The following ITFG1 variants were observed in gnomAD, a reference collection of about 807,000 sequenced individuals.
ITFG1 encodes T-cell immunomodulatory protein.
In ITFG1, 34 loss-of-function variants were observed where a neutral mutation model predicts 81.8. The observed-to-expected ratio is 0.42, with a 90% CI of 0.32 to 0.55. The LOEUF is 0.55. Among genes scored for constraint, ITFG1 ranks in the 20% least tolerant of loss-of-function variants. The pLI, the probability that ITFG1 is intolerant of heterozygous loss-of-function variation, is 0.17. For synonymous variants in ITFG1, 285 were observed against 270.6 expected, an observed-to-expected ratio of 1.05 and a Z score of -0.52; for missense variants, 672 against 755.4, an observed-to-expected ratio of 0.89 and a Z score of 1.29.
chr16:47,227,643 T>C (rs1247135032), intron 13 of ITFG1, among the ~76,000 whole-genome samples: 2 of 152,192 alleles, frequency 1.3e-5, no homozygotes, highest in Admixed American at 1.3e-4. Context: ...GGTTTCTATA[T>C]TAGTGTCAAT....
At chr16:47,264,007 GACAA>G (rs1413108470) in intron 10 of ITFG1, among the ~76,000 whole-genome samples, 1 of 152,082 alleles carries the variant, frequency 6.6e-6, no homozygotes, top group Admixed American at 6.5e-5. Flanking sequence ...AACTATTGGC[GACAA>G]ACAGTCTTGC....
chr16:47,220,982 T>A (rs1209185946), intron 13 of ITFG1, among the ~76,000 whole-genome samples: 1 of 152,188 alleles, frequency 6.6e-6, no homozygotes, highest in African/African-American at 2.4e-5. Flanking sequence ...AATTGCTCTA[T>A]TTCCATGTCA....
chr16:47,216,961 C>T (rs1275135411), intron 14 of ITFG1, among the ~76,000 whole-genome samples: 1 of 152,080 alleles, frequency 6.6e-6, no homozygotes, highest in Non-Finnish European at 1.5e-5. Context: ...CTGAATTATT[C>T]ATTTAACTGC....
chr16:47,155,290 T>C lies in ITFG1; in HGVS notation c.*429A>G, dbSNP rs1418950821. ...CCTGACCTGCTGTGATGAAGCTGAA[T>C]GCCTAATGACTCCGTGATATATTCA... On this transcript the variant is annotated 3_prime_UTR_variant, in exon 18 of 18. Coordinates refer to ENST00000320640, the MANE Select transcript of ITFG1 (RefSeq NM_030790.5). 1.3e-5 allele frequency: 2 copies of C among 154,032 alleles called. No individual in the cohort carries two copies. Among genetic ancestry groups the C allele is most frequent in the Non-Finnish European group, 2.9e-5 (2 of 69,446 alleles). The allele number at this position is 154,032 out of a possible 1,614,324, so 9.5% of individuals were successfully genotyped here.
Position 47,218,517 on chromosome 16 carries a change from AT to A in ITFG1, c.1453+350del, listed in dbSNP as rs566714643. 3.2e-3 allele frequency: 502 copies of A among 155,208 alleles called. 3 individuals are homozygous for A. Among genetic ancestry groups the A allele is most frequent in the African/African-American group, 0.012 (480 of 41,674 alleles). The allele number at this position is 155,208 out of a possible 1,614,324, so 9.6% of individuals were successfully genotyped here. On this transcript the variant is annotated intron_variant, in intron 14 of 17. Transcript: ENST00000320640. ...TAGTTTATATTATACTATTAATTGG[AT>A]TCTTAATTTATACGTCTTCTAAGAT...
chr16:47,229,771 G>A (rs1159119641), intron 13 of ITFG1, among the ~76,000 whole-genome samples: 1 of 152,102 alleles, frequency 6.6e-6, no homozygotes, highest in African/African-American at 2.4e-5. Flanking sequence ...ACATTTCAGG[G>A]TCCTTCCTTG....
chr16:47,284,458 T>C (rs180997085), intron 10 of ITFG1, among the ~76,000 whole-genome samples: 2 of 152,180 alleles, frequency 1.3e-5, no homozygotes, highest in East Asian at 1.9e-4. Flanking sequence ...TTAATGTTCA[T>C]AGATGAAACT....
At chr16:47,272,840 A>G (rs1966357822) in intron 10 of ITFG1, among the ~76,000 whole-genome samples, 1 of 151,518 alleles carries the variant, frequency 6.6e-6, no homozygotes, top group African/African-American at 2.4e-5. Context: ...GTAAATGTTT[A>G]AGTGACATAA....
intron 10 of ITFG1, among the ~76,000 whole-genome samples, chr16:47,302,226 C>A (rs1328006498): frequency 6.6e-6 from 1 of 152,046 alleles, no homozygotes; most frequent in Non-Finnish European, 1.5e-5. Context: ...GGAAGGGTTA[C>A]CAGTCACTTT....
At chr16:47,453,451 G>C (rs1969413727) in intron 3 of ITFG1, among the ~76,000 whole-genome samples, 1 of 152,118 alleles carries the variant, frequency 6.6e-6, no homozygotes. Context: ...CAGATATTGT[G>C]GCATCTGAGA....
chr16:47,381,489 TAAA>T (rs1030987429), intron 6 of ITFG1, among the ~76,000 whole-genome samples: 8 of 152,196 alleles, frequency 5.3e-5, no homozygotes, highest in African/African-American at 1.9e-4. Context: ...ACATAGTTAA[TAAA>T]ACATTCGTAG....
At chr16:47,287,065 T>A (rs1310218330) in intron 10 of ITFG1, among the ~76,000 whole-genome samples, 1 of 152,134 alleles carries the variant, frequency 6.6e-6, no homozygotes, top group Non-Finnish European at 1.5e-5. Flanking sequence ...CTAGCTGCAT[T>A]TGTAAGATAA....
intron 14 of ITFG1, among the ~76,000 whole-genome samples, chr16:47,188,502 C>G (rs1205605823): frequency 1.3e-5 from 2 of 150,222 alleles, no homozygotes; most frequent in African/African-American, 2.4e-5. Flanking sequence ...TCTCAGTAAA[C>G]TATTGCAAGA....
intron 14 of ITFG1, among the ~76,000 whole-genome samples, chr16:47,192,705 T>C (rs1965306302): frequency 6.6e-6 from 1 of 152,196 alleles, no homozygotes; most frequent in Admixed American, 6.5e-5. Context: ...GTTGGTAAAA[T>C]AGTTTCCCTT....
intron 14 of ITFG1, among the ~76,000 whole-genome samples, chr16:47,210,615 T>C (rs1268748995): frequency 6.6e-6 from 1 of 152,194 alleles, no homozygotes; most frequent in Non-Finnish European, 1.5e-5. Context: ...CCAGAAAATA[T>C]CCTCATGATT....
Position 47,218,895 on chromosome 16 carries a change from C to T in ITFG1, c.1426G>A (p.Ala476Thr). 1 of 1,599,226 alleles carries T rather than the reference C, an allele frequency of 6.3e-7. No homozygotes were observed. The change falls in exon 14 of 18, where the codon GCA becomes ACA. Residue 476 changes from alanine (A) to threonine (T), a missense_variant. Transcript: ENST00000320640. ...GPYIMYTTVD[A>T]NGYLKNGSAG... ...GATCCATTTTTCAGATACCCATTTG[C>T]ATCTACAGTTGTATACATGATATAA...
intron 6 of ITFG1, among the ~76,000 whole-genome samples, chr16:47,402,597 G>C (rs1167127547): frequency 6.6e-6 from 1 of 152,166 alleles, no homozygotes; most frequent in Non-Finnish European, 1.5e-5. Context: ...ATCCCTCTGG[G>C]ATGACAAATA....
intron 8 of ITFG1, among the ~76,000 whole-genome samples, chr16:47,317,020 C>T (rs1431947891): frequency 6.6e-6 from 1 of 152,134 alleles, no homozygotes; most frequent in Non-Finnish European, 1.5e-5. Flanking sequence ...AATTCTTTCT[C>T]AAAAACTCAA....
intron 8 of ITFG1, among the ~76,000 whole-genome samples, chr16:47,352,632 T>C (rs1468342538): frequency 2.0e-5 from 3 of 152,144 alleles, no homozygotes; most frequent in Admixed American, 6.5e-5. Context: ...AGTTCAACCA[T>C]TGTGGGAGTC....
Sources: allele counts gnomAD v4.1 joint callset (sites outside exome capture counted in the v4.1 genomes callset), GRCh38; gene constraint gnomAD v4.1.1; transcripts MANE v1.5; gene names NCBI Gene and HGNC (gene_info 2026-07-23, HGNC 2026-07-21).